The following XPA variants were observed in gnomAD, a reference collection of about 807,000 sequenced individuals.
XPA encodes DNA repair protein complementing XP-A cells.
Under a neutral mutation model 35.7 loss-of-function variants are expected in XPA, and 27 were observed. That is an observed-to-expected ratio of 0.76 (90% CI 0.56 to 1.04). XPA has a LOEUF of 1.04. Ranked by LOEUF, XPA falls within the 50% of genes least tolerant of loss-of-function variation. XPA has a pLI of 0.00. For synonymous variants in XPA, 133 were observed against 118.4 expected, an observed-to-expected ratio of 1.12 and a Z score of -0.80; for missense variants, 354 against 342.7, an observed-to-expected ratio of 1.03 and a Z score of -0.26.
At chr9:97,663,775 C>T in the XPA span, among the ~76,000 whole-genome samples, 11 of 151,938 alleles carry the variant, frequency 7.2e-5, no homozygotes, top group Middle Eastern at 3.4e-3. Context: ...TGTGAGCCAC[C>T]GCGCCTGGCC....
chr9:97,661,195 G>A, the XPA span: 2 of 1,100,494 alleles, frequency 1.8e-6, no homozygotes, highest in Non-Finnish European at 2.5e-6. Flanking sequence ...TCAGACTGTT[G>A]TTCTTAGCAC....
chr9:97,693,005 G>A (rs1466602792), intron 2 of XPA, among the ~76,000 whole-genome samples: 3 of 149,944 alleles, frequency 2.0e-5, no homozygotes, highest in Non-Finnish European at 4.4e-5. Context: ...CTACATTGAT[G>A]AATGCACAAC....
At chr9:97,664,683 A>T in the XPA span, among the ~76,000 whole-genome samples, 1 of 152,232 alleles carries the variant, frequency 6.6e-6, no homozygotes, top group Non-Finnish European at 1.5e-5. Context: ...CCAGTGAAGT[A>T]GAAATCCTGT....
At chr9:97,672,105 A>G (rs181168904), downstream of XPA, 61 of 152,340 alleles carry the variant, frequency 4.0e-4, 1 homozygote, top group African/African-American at 1.3e-3. Flanking sequence ...AAAAACTACG[A>G]AGTCCTGAGC....
downstream of XPA, among the ~76,000 whole-genome samples, chr9:97,670,632 A>C (rs765887614): frequency 1.3e-5 from 2 of 152,228 alleles, no homozygotes; most frequent in Non-Finnish European, 2.9e-5. Flanking sequence ...TCCTATAAGA[A>C]TCTCTGAGAG....
downstream of XPA, chr9:97,674,813 A>AAAAC: frequency 7.7e-6 from 3 of 388,354 alleles, no homozygotes; most frequent in South Asian, 4.3e-5. Flanking sequence ...GTCAACCATG[A>AAAAC]AAACAGCTCT....
chr9:97,682,541 T>C lies in XPA; in HGVS notation c.673+2382A>G, dbSNP rs3176709. The C allele has an allele frequency of 1.0e-2, 4,756 of 476,792 alleles. 203 individuals are homozygous for C. Among genetic ancestry groups the C allele is most frequent in the African/African-American group, 0.086 (4,321 of 50,044 alleles). The allele number at this position is 476,792 out of a possible 1,614,324, so 29.5% of individuals were successfully genotyped here. ...ATGTTACAGAACTTAGGTATTCATA[T>C]GCACAAAAGCAGTAAAACATTTCTA... is the stretch of plus-strand genomic sequence containing the variant. On this transcript the variant is annotated intron_variant, in intron 5 of 5. Coordinates refer to ENST00000375128, the MANE Select transcript of XPA (RefSeq NM_000380.4).
the XPA span, among the ~76,000 whole-genome samples, chr9:97,665,613 T>A: frequency 2.8e-4 from 43 of 152,358 alleles, 1 homozygote; most frequent in African/African-American, 9.4e-4. Flanking sequence ...TTGTCCTGTT[T>A]CCTAACATTC....
chr9:97,689,519 A>G lies in XPA; in HGVS notation c.389+15T>C. The G allele has an allele frequency of 6.6e-7, 1 of 1,526,388 alleles. No individual in the cohort carries two copies. Among genetic ancestry groups the G allele is most frequent in the Non-Finnish European group, 9.1e-7 (1 of 1,100,400 alleles). 94.6% of individuals were successfully genotyped at this position (1,526,388 alleles called of 1,614,324 possible). On this transcript the variant is annotated intron_variant, in intron 3 of 5. Transcript: ENST00000375128. The stretch of plus-strand genomic sequence containing the variant: ...ATAAACATTAGCAATTAAGAACACC[A>G]TCTAAAATAAGTACCTGCAGTTATC...
intron 5 of XPA, among the ~76,000 whole-genome samples, chr9:97,677,762 T>TTTTTA (rs397757476): frequency 6.6e-6 from 1 of 151,808 alleles, no homozygotes; most frequent in African/African-American, 2.4e-5. Flanking sequence ...CTTTTTTTTT[T>TTTTTA]ACCCTTCTTT....
downstream of XPA, chr9:97,671,052 C>A (rs377744952): frequency 1.4e-6 from 2 of 1,420,608 alleles, no homozygotes. Context: ...TATGCTTTTT[C>A]CTGACCTAAC....
intron 5 of XPA, chr9:97,675,998 G>A: frequency 4.6e-6 from 1 of 217,116 alleles, no homozygotes; most frequent in Non-Finnish European, 9.3e-6. Flanking sequence ...TTAAGTTCCT[G>A]TTAGGAGCTA....
intron 5 of XPA, 120 bp from the exon 6 acceptor site, chr9:97,675,707 A>G (rs1026126616): frequency 9.0e-6 from 11 of 1,224,066 alleles, no homozygotes; most frequent in African/African-American, 1.5e-5. Flanking sequence ...TTTAAACCAT[A>G]TATAGTTTAC....
At chr9:97,680,634 T>C (rs976361290) in intron 5 of XPA, among the ~76,000 whole-genome samples, 2 of 152,148 alleles carry the variant, frequency 1.3e-5, no homozygotes, top group African/African-American at 4.8e-5. Context: ...AAAGTAAATA[T>C]GGCAAATGTC....
At chr9:97,691,361 T>C (rs534156147) in intron 2 of XPA, among the ~76,000 whole-genome samples, 1 of 152,344 alleles carries the variant, frequency 6.6e-6, no homozygotes, top group African/African-American at 2.4e-5. Flanking sequence ...AATGCCTAGC[T>C]AAGGAACTTA....
chr9:97,669,677 A>T, the XPA span: 1 of 1,608,478 alleles, frequency 6.2e-7, no homozygotes, highest in East Asian at 2.2e-5. Context: ...TAAGAACTGT[A>T]TAGAGAGGCT....
At chr9:97,660,204 G>A in the XPA span, among the ~76,000 whole-genome samples, 124 of 152,256 alleles carry the variant, frequency 8.1e-4, no homozygotes, top group African/African-American at 2.7e-3. Flanking sequence ...GTCCTCACAT[G>A]ACTGTTGTAA....
chr9:97,655,974 A>G, the XPA span: 5 of 1,566,734 alleles, frequency 3.2e-6, no homozygotes, highest in Admixed American at 8.4e-5. Context: ...AGTGCAGATT[A>G]TATGTAAGCA....
chr9:97,670,503 C>T (rs974560985), downstream of XPA, among the ~76,000 whole-genome samples: 1 of 152,078 alleles, frequency 6.6e-6, no homozygotes, highest in Non-Finnish European at 1.5e-5. Context: ...TTCATTTGTT[C>T]ATTCTAGAAG....
Sources: allele counts gnomAD v4.1 joint callset (sites outside exome capture counted in the v4.1 genomes callset), GRCh38; gene constraint gnomAD v4.1.1; transcripts MANE v1.5; gene names NCBI Gene and HGNC (gene_info 2026-07-23, HGNC 2026-07-21).